Variants in ZRANB3 observed in about 807,000 individuals in gnomAD.
ZRANB3 encodes DNA annealing helicase and endonuclease ZRANB3.
A neutral mutation model predicts 133.8 loss-of-function variants in ZRANB3; 125 were observed. The ratio of observed to expected loss-of-function variants is 0.93; its 90% CI spans 0.81 to 1.08. The LOEUF (loss-of-function observed/expected upper bound fraction) is 1.08, where lower values mean the gene tolerates loss of function less well. Ranked by LOEUF, ZRANB3 falls within the 50% of genes least tolerant of loss-of-function variation. The pLI is 0.00. For synonymous variants in ZRANB3, 387 were observed against 432.7 expected, an observed-to-expected ratio of 0.89 and a Z score of 1.31; for missense variants, 1,229 against 1,275.5, an observed-to-expected ratio of 0.96 and a Z score of 0.56.
intron 19 of ZRANB3, 43 bp from the exon 20 acceptor site, chr2:135,203,006 C>T: frequency 6.3e-7 from 1 of 1,595,280 alleles, no homozygotes; most frequent in Non-Finnish European, 8.5e-7. Context: ...ACATATACTG[C>T]AAGAAGTGTT....
At chr2:135,483,204 C>T (rs1187470004) in intron 2 of ZRANB3, among the ~76,000 whole-genome samples, 2 of 151,812 alleles carry the variant, frequency 1.3e-5, no homozygotes, top group Admixed American at 1.3e-4. Flanking sequence ...ACCAGCTCCT[C>T]CTTGTACCTC....
rs1355442429 is a variant in ZRANB3, at chr2:135,207,690, G to A, written c.2753C>T (p.Pro918Leu). The change falls in exon 19 of 21, where the codon CCC becomes CTC. Residue 918 changes from proline to leucine, a missense_variant. Physicochemically the swap from Pro to Leu is moderately conservative, Grantham distance 98. Coordinates refer to ENST00000264159, the MANE Select transcript of ZRANB3 (RefSeq NM_032143.4). ...GNPLCLRCQQ[P>L]TCQTKQACKA... ...ACATGCTTGCTTAGTCTGGCAAGTG[G>A]GTTGCTGACAGCGAAGGCAAAGTGG... The A allele has an allele frequency of 1.2e-6, 2 of 1,613,988 alleles. No individual in the cohort carries two copies. Among genetic ancestry groups the A allele is most frequent in the Non-Finnish European group, 1.7e-6 (2 of 1,179,902 alleles).
chr2:135,221,909 G>C (rs1694570450), intron 15 of ZRANB3, among the ~76,000 whole-genome samples: 1 of 152,000 alleles, frequency 6.6e-6, no homozygotes, highest in Non-Finnish European at 1.5e-5. Context: ...GGGGATTCTG[G>C]TATTCAAAAT....
chr2:135,319,412 TTACTC>T (rs1320892488), intron 6 of ZRANB3, among the ~76,000 whole-genome samples: 12 of 152,216 alleles, frequency 7.9e-5, no homozygotes, highest in African/African-American at 1.9e-4. Context: ...ACTTCAGTCT[TTACTC>T]AAGCATGGAT....
chr2:135,425,427 A>G (rs574846795), intron 2 of ZRANB3, among the ~76,000 whole-genome samples: 1 of 152,340 alleles, frequency 6.6e-6, no homozygotes, highest in Non-Finnish European at 1.5e-5. Context: ...AAAAACATAC[A>G]AAGTTAAGCA....
At chr2:135,457,242 A>G (rs1468084392) in intron 2 of ZRANB3, among the ~76,000 whole-genome samples, 2 of 152,222 alleles carry the variant, frequency 1.3e-5, no homozygotes, top group Admixed American at 6.5e-5. Flanking sequence ...TTAGGATAAC[A>G]TGAAAAATAG....
intron 3 of ZRANB3, chr2:135,355,322 C>G: frequency 1.1e-6 from 1 of 896,174 alleles, no homozygotes; most frequent in Non-Finnish European, 1.3e-6. Flanking sequence ...CTGGGAACAA[C>G]TTGGTTCCAA....
rs1166170814 is a variant in ZRANB3, at chr2:135,455,171, C to CTTTTTTTT, written c.161+49150_161+49157dup. Among the ~76,000 whole-genome samples the CTTTTTTTT allele has an allele frequency of 5.6e-3, 212 of 37,592 alleles. 45 individuals are homozygous for CTTTTTTTT. The highest frequency in any genetic ancestry group is 0.024 in the Middle Eastern group (1 of 42). The allele number at this position is 37,592 out of a possible 152,430, so 24.7% of individuals were successfully genotyped here. A position where few individuals can be genotyped will look rare whatever the true frequency, so the allele number is the denominator to read the frequency against. On this transcript the variant is annotated intron_variant, in intron 2 of 20. Coordinates refer to ENST00000264159, the MANE Select transcript of ZRANB3 (RefSeq NM_032143.4). ...AATGGGATCACAATGCCTTCTTATA[C>CTTTTTTTT]TTTTTTTTTTTTTTTTTTTTTTTTT... is the stretch of plus-strand genomic sequence containing the variant.
At chr2:135,475,266 A>G (rs1691454721) in intron 2 of ZRANB3, among the ~76,000 whole-genome samples, 1 of 152,196 alleles carries the variant, frequency 6.6e-6, no homozygotes. Flanking sequence ...CACATGAAGC[A>G]TTCACTTAAC....
intron 12 of ZRANB3, among the ~76,000 whole-genome samples, chr2:135,235,611 T>G (rs1451589820): frequency 6.6e-6 from 1 of 151,544 alleles, no homozygotes; most frequent in Admixed American, 6.6e-5. Context: ...GCTTCATCCC[T>G]GGGAAGCAAG....
intron 3 of ZRANB3, among the ~76,000 whole-genome samples, chr2:135,363,250 C>T (rs1218920640): frequency 1.3e-5 from 2 of 152,120 alleles, no homozygotes; most frequent in East Asian, 3.9e-4. Flanking sequence ...TTCATTGTAA[C>T]CTCAAACTCC....
At chr2:135,419,098 C>T (rs1328196498) in intron 2 of ZRANB3, among the ~76,000 whole-genome samples, 3 of 151,230 alleles carry the variant, frequency 2.0e-5, no homozygotes, top group African/African-American at 4.9e-5. Flanking sequence ...CCACCACGTC[C>T]GGCTAATTTT....
intron 3 of ZRANB3, among the ~76,000 whole-genome samples, chr2:135,354,698 T>C (rs112503932): frequency 7.7e-4 from 118 of 152,330 alleles, no homozygotes; most frequent in African/African-American, 2.6e-3. Flanking sequence ...TCTATGATTC[T>C]ATTTATATGT....
chr2:135,401,463 T>A (rs1253542378), intron 2 of ZRANB3, among the ~76,000 whole-genome samples: 1 of 151,942 alleles, frequency 6.6e-6, no homozygotes, highest in Non-Finnish European at 1.5e-5. Flanking sequence ...CTTCTCCCCT[T>A]CCCCCTCACA....
intron 14 of ZRANB3, among the ~76,000 whole-genome samples, chr2:135,225,804 G>A (rs1340551559): frequency 6.6e-6 from 1 of 152,142 alleles, no homozygotes; most frequent in Non-Finnish European, 1.5e-5. Flanking sequence ...TATCACTGGA[G>A]GAATAACCAA....
intron 2 of ZRANB3, among the ~76,000 whole-genome samples, chr2:135,415,784 G>A (rs183974309): frequency 0.01 from 1,571 of 152,276 alleles, 24 homozygotes; most frequent in African/African-American, 0.036. Flanking sequence ...TCATCCCTGG[G>A]ATGCAAGGTT....
intron 12 of ZRANB3, among the ~76,000 whole-genome samples, chr2:135,250,675 A>G (rs949400240): frequency 2.0e-5 from 3 of 152,224 alleles, no homozygotes; most frequent in African/African-American, 7.2e-5. Context: ...TGGAAGCCCC[A>G]AGCCTTGGCA....
At chr2:135,334,728 T>C (rs2104851829) in intron 6 of ZRANB3, among the ~76,000 whole-genome samples, 1 of 150,930 alleles carries the variant, frequency 6.6e-6, no homozygotes, top group East Asian at 1.9e-4. Context: ...ACCCCGTCTC[T>C]ACTAAAAATA....
At chr2:135,327,153 A>C (rs1445732991) in intron 6 of ZRANB3, among the ~76,000 whole-genome samples, 1 of 152,128 alleles carries the variant, frequency 6.6e-6, no homozygotes, top group African/African-American at 2.4e-5. Context: ...ATAATAAAAT[A>C]TTTAAAATAT....
Sources: allele counts gnomAD v4.1 joint callset (sites outside exome capture counted in the v4.1 genomes callset), GRCh38; gene constraint gnomAD v4.1.1; transcripts MANE v1.5; gene names NCBI Gene and HGNC (gene_info 2026-07-23, HGNC 2026-07-21).